Variants in FTCDNL1 observed in about 807,000 individuals in gnomAD.
FTCDNL1 encodes the protein formiminotransferase N-terminal subdomain-containing protein.
Under a neutral mutation model 5.9 loss-of-function variants are expected in FTCDNL1, and 11 were observed. That is an observed-to-expected ratio of 1.87 (90% CI 1.18 to 3.10). FTCDNL1 has a LOEUF of 3.10. Among genes scored for constraint, FTCDNL1 ranks in the 30% most tolerant of loss-of-function variants. FTCDNL1 has a pLI of 0.00. For missense variants in FTCDNL1, 115 were observed against 65.5 expected (o/e 1.76, Z -2.61); for synonymous variants, 58 against 24.8 (o/e 2.34, Z -3.99).
intron 4 of FTCDNL1, among the ~76,000 whole-genome samples, chr2:199,813,339 A>C (rs1701147313): frequency 6.6e-6 from 1 of 152,174 alleles, no homozygotes. Flanking sequence ...CATCATTTTC[A>C]ATCAATTAAA....
chr2:199,820,352 C>G (rs1461007847), intron 3 of FTCDNL1, among the ~76,000 whole-genome samples: 1 of 151,988 alleles, frequency 6.6e-6, no homozygotes, highest in Non-Finnish European at 1.5e-5. Flanking sequence ...ACCTATAATT[C>G]CAGTACTTTG....
chr2:199,773,296 T>C lies in FTCDNL1; in HGVS notation c.212-12461A>G, dbSNP rs573409801. Among the ~76,000 whole-genome samples, 72 of 152,080 alleles carry C rather than the reference T, an allele frequency of 4.7e-4. 1 individual carries two copies. The Middle Eastern group carries it at 0.014, about 29-fold the overall frequency. ...CATATACACAAACATACACTAAGAGTTGGGCCTAGGCTTGGACTCCATTTT... is the reference window on the plus strand; with the variant it reads ...CATATACACAAACATACACTAAGAGCTGGGCCTAGGCTTGGACTCCATTTT... On this transcript the variant is annotated intron_variant, in intron 3 of 3. Coordinates refer to the FTCDNL1 transcript ENST00000416668.
At chr2:199,674,113 G>A in the FTCDNL1 span, among the ~76,000 whole-genome samples, 5 of 152,242 alleles carry the variant, frequency 3.3e-5, no homozygotes, top group African/African-American at 1.2e-4. Flanking sequence ...AACCCTAAGA[G>A]GGAGCAGGTG....
At chr2:199,670,306 A>G in the FTCDNL1 span, among the ~76,000 whole-genome samples, 3 of 152,228 alleles carry the variant, frequency 2.0e-5, no homozygotes, top group Admixed American at 1.3e-4. Flanking sequence ...AGCAGGTATC[A>G]ACAATGAGAT....
chr2:199,783,308 G>A (rs1348711298), intron 3 of FTCDNL1, among the ~76,000 whole-genome samples: 2 of 152,162 alleles, frequency 1.3e-5, no homozygotes, highest in African/African-American at 4.8e-5. Context: ...ACTTTAGTAT[G>A]CCTACATCTC....
the FTCDNL1 span, among the ~76,000 whole-genome samples, chr2:199,754,895 TAACAGTTTA>T: frequency 6.6e-6 from 1 of 152,248 alleles, no homozygotes; most frequent in Non-Finnish European, 1.5e-5. Context: ...TTCTTTTGAA[TAACAGTTTA>T]AACACTTTTA....
chr2:199,672,278 G>A, the FTCDNL1 span, among the ~76,000 whole-genome samples: 3 of 152,170 alleles, frequency 2.0e-5, no homozygotes, highest in African/African-American at 7.2e-5. Context: ...ACTGACATGA[G>A]AGGGTCTTTG....
intron 3 of FTCDNL1, among the ~76,000 whole-genome samples, chr2:199,796,693 T>C (rs1323701776): frequency 6.6e-6 from 1 of 152,164 alleles, no homozygotes; most frequent in East Asian, 1.9e-4. Context: ...TGCTAAAGTC[T>C]GGATCAATGG....
chr2:199,732,637 T>C, the FTCDNL1 span, among the ~76,000 whole-genome samples: 1 of 151,450 alleles, frequency 6.6e-6, no homozygotes, highest in Non-Finnish European at 1.5e-5. Context: ...AAAAAAAAAG[T>C]TTCAGAATAA....
At chr2:199,794,556 T>C (rs967693339) in intron 3 of FTCDNL1, among the ~76,000 whole-genome samples, 8 of 152,120 alleles carry the variant, frequency 5.3e-5, no homozygotes, top group African/African-American at 1.9e-4. Context: ...ACATTAACAT[T>C]TGTCACATTC....
In FTCDNL1 at chr2:199,809,759, A is replaced by G. The variant is rs1272124536; in HGVS notation, c.*2946T>C. The stretch of plus-strand genomic sequence containing the variant: ...CCCAACACCATCATGCCATCTCCCC[A>G]ATATAAACATTTCAAAATTCTATAT... On this transcript the variant is annotated 3_prime_UTR_variant, in exon 5 of 5. Transcript: ENST00000420128. Among the ~76,000 whole-genome samples the G allele has an allele frequency of 6.6e-6, 1 of 152,222 alleles. No individual in the cohort carries two copies. The highest frequency in any genetic ancestry group is 2.4e-5 in the African/African-American group (1 of 41,458).
intron 3 of FTCDNL1, 74 bp from the exon 4 acceptor site, chr2:199,819,831 T>C: frequency 1.5e-6 from 1 of 648,056 alleles, no homozygotes; most frequent in Non-Finnish European, 2.8e-6. Flanking sequence ...ATATAATTTT[T>C]TTGCTGTGGT....
chr2:199,804,290 C>T (rs1353410365), downstream of FTCDNL1, among the ~76,000 whole-genome samples: 2 of 152,104 alleles, frequency 1.3e-5, no homozygotes, highest in South Asian at 2.1e-4. Flanking sequence ...AAGTTGATAG[C>T]GTGGTACCCA....
the FTCDNL1 span, among the ~76,000 whole-genome samples, chr2:199,717,981 A>T: frequency 4.4e-5 from 2 of 45,400 alleles, no homozygotes; most frequent in Admixed American, 6.4e-4. Context: ...AAAAAACCAA[A>T]AAAACAAAAA....
the FTCDNL1 span, among the ~76,000 whole-genome samples, chr2:199,707,883 T>G: frequency 6.6e-6 from 1 of 152,114 alleles, no homozygotes; most frequent in South Asian, 2.1e-4. Flanking sequence ...TTCTGTGTTT[T>G]GGCTTTATAG....
chr2:199,801,202 G>A (rs13427853), intron 3 of FTCDNL1, among the ~76,000 whole-genome samples: 10,065 of 152,194 alleles, frequency 0.066, 822 homozygotes, highest in East Asian at 0.26. Flanking sequence ...TTCCTGCACT[G>A]GAAGAGCTGG....
At chr2:199,777,584 T>C (rs372473702) in intron 3 of FTCDNL1, among the ~76,000 whole-genome samples, 2 of 152,188 alleles carry the variant, frequency 1.3e-5, no homozygotes, top group East Asian at 3.9e-4. Flanking sequence ...ATCATAAGAA[T>C]ACCTTCACAG....
chr2:199,812,775 T>C, intron 4 of FTCDNL1, 51 bp from the exon 5 acceptor site: 1 of 685,564 alleles, frequency 1.5e-6, no homozygotes, highest in South Asian at 1.6e-5. Context: ...CCATGTGTGC[T>C]TTAATGAAAA....
Position 199,765,553 on chromosome 2 carries a change from TA to T in FTCDNL1, c.212-4719del, listed in dbSNP as rs1432209065. Among the ~76,000 whole-genome samples the T allele has an allele frequency of 2.9e-3, 236 of 81,660 alleles. 3 individuals carry two copies. The highest frequency in any genetic ancestry group is 6.0e-3 in the Middle Eastern group (1 of 168). 53.6% of individuals were successfully genotyped at this position (81,660 alleles called of 152,430 possible). A position where few individuals can be genotyped will look rare whatever the true frequency, so the allele number is the denominator to read the frequency against. ...TTCATTATATATATATATATATATA[TA>T]TATTTTTTTTTTTTTTTTTGGAGAT... On this transcript the variant is annotated intron_variant, in intron 3 of 3. Coordinates refer to the FTCDNL1 transcript ENST00000416668.
Sources: gnomAD v4.1 joint callset for allele counts (sites outside exome capture counted in the v4.1 genomes callset) on GRCh38, gnomAD v4.1.1 for gene constraint, MANE v1.5 for transcripts, NCBI Gene and HGNC (gene_info 2026-07-23, HGNC 2026-07-21) for gene names.